CCDC169: variants seen among roughly 807,000 people sequenced by gnomAD.
CCDC169 encodes coiled-coil domain containing 169, also known as coiled-coil domain-containing protein 169.
In CCDC169, 30 loss-of-function variants were observed where a neutral mutation model predicts 36.0. The ratio of observed to expected loss-of-function variants is 0.83; its 90% CI spans 0.62 to 1.13. CCDC169 has a LOEUF of 1.13. CCDC169 is among the 50% of genes most tolerant of loss of function. CCDC169 has a pLI of 0.00. For missense variants in CCDC169, 245 were observed against 245.9 expected (o/e 1.00, Z 0.03); for synonymous variants, 85 against 81.5 (o/e 1.04, Z -0.23).
chr13:36,276,651 T>C (rs577937267), intron 4 of CCDC169, among the ~76,000 whole-genome samples: 1 of 151,944 alleles, frequency 6.6e-6, no homozygotes, highest in South Asian at 2.1e-4. Flanking sequence ...AGGGGGAGGG[T>C]ACTGATAGGA....
At chr13:36,238,335 T>C (rs1871329444) in intron 7 of CCDC169, among the ~76,000 whole-genome samples, 1 of 152,168 alleles carries the variant, frequency 6.6e-6, no homozygotes, top group African/African-American at 2.4e-5. Flanking sequence ...GGCACGAACA[T>C]AGCTCACGGC....
Position 36,295,776 on chromosome 13 carries a change from A to G in CCDC169, c.163+2T>C. The G allele has an allele frequency of 6.8e-7, 1 of 1,480,760 alleles. No homozygotes were observed. The highest frequency in any genetic ancestry group is 9.2e-7 in the Non-Finnish European group (1 of 1,086,288). The allele number at this position is 1,480,760 out of a possible 1,614,324, so 91.7% of individuals were successfully genotyped here. On this transcript the variant is annotated splice_donor_variant, in intron 2 of 7. Coordinates refer to ENST00000239859, the MANE Select transcript of CCDC169 (RefSeq NM_001144981.3). LOFTEE classifies it high-confidence loss of function. ...CACAAATATAAGTATTTACTTATAT[A>G]CCTTCATTGTCAGTATTGAGTTTGG...
chr13:36,223,694 T>C (rs556268003), downstream of CCDC169: 15 of 152,284 alleles, frequency 9.9e-5, 1 homozygote, highest in Admixed American at 9.8e-4. Flanking sequence ...TGTTACAGTT[T>C]GGTTATTCTG....
At chr13:36,280,710 C>T (rs929364099) in intron 4 of CCDC169, 2 of 152,292 alleles carry the variant, frequency 1.3e-5, no homozygotes, top group Middle Eastern at 3.4e-3. Context: ...GAACTGTCTA[C>T]AGTGGATATG....
chr13:36,273,313 T>C (rs1021735755), intron 4 of CCDC169, among the ~76,000 whole-genome samples: 2 of 152,224 alleles, frequency 1.3e-5, no homozygotes, highest in East Asian at 1.9e-4. Context: ...ACACCAATTA[T>C]ACCCACAGTT....
chr13:36,234,378 T>C (rs533628265), intron 7 of CCDC169, among the ~76,000 whole-genome samples: 1 of 152,106 alleles, frequency 6.6e-6, no homozygotes, highest in Non-Finnish European at 1.5e-5. Flanking sequence ...AACATATGTA[T>C]AATGAGTGTC....
At chr13:36,277,797 TG>T (rs1877012964) in intron 4 of CCDC169, among the ~76,000 whole-genome samples, 2 of 151,900 alleles carry the variant, frequency 1.3e-5, no homozygotes, top group Admixed American at 6.6e-5. Context: ...ATACAAAAAT[TG>T]GCTGAGCGTG....
At chr13:36,252,131 A>C (rs1873249597) in intron 6 of CCDC169, among the ~76,000 whole-genome samples, 1 of 152,152 alleles carries the variant, frequency 6.6e-6, no homozygotes, top group African/African-American at 2.4e-5. Context: ...TGTTTGTGCT[A>C]GACCTTGAAG....
intron 4 of CCDC169, among the ~76,000 whole-genome samples, chr13:36,257,744 T>C (rs1440386780): frequency 6.6e-6 from 1 of 151,614 alleles, no homozygotes; most frequent in Non-Finnish European, 1.5e-5. Flanking sequence ...CTTACTAGAT[T>C]GAGCTCCTTG....
chr13:36,274,261 C>T (rs1245006884), intron 4 of CCDC169: 2 of 152,166 alleles, frequency 1.3e-5, no homozygotes, highest in African/African-American at 4.8e-5. Flanking sequence ...GGACCATTAA[C>T]AAGAAGATAT....
chr13:36,271,743 T>C (rs1255287749), intron 4 of CCDC169, among the ~76,000 whole-genome samples: 1 of 151,954 alleles, frequency 6.6e-6, no homozygotes, highest in Non-Finnish European at 1.5e-5. Context: ...TAATGAACTT[T>C]AGAGATGCAG....
intron 7 of CCDC169, among the ~76,000 whole-genome samples, chr13:36,246,871 C>T (rs1872560272): frequency 2.6e-5 from 4 of 152,154 alleles, no homozygotes; most frequent in African/African-American, 9.7e-5. Context: ...GCCCCACAGT[C>T]CATGTGACTT....
At chr13:36,243,263 G>A (rs1039950473) in intron 7 of CCDC169, among the ~76,000 whole-genome samples, 6 of 152,188 alleles carry the variant, frequency 3.9e-5, no homozygotes, top group African/African-American at 9.6e-5. Context: ...ACTTTGGGAG[G>A]CCAAGGCGGG....
chr13:36,258,357 GC>G (rs1874182887), intron 4 of CCDC169, among the ~76,000 whole-genome samples: 2 of 152,034 alleles, frequency 1.3e-5, no homozygotes, highest in South Asian at 4.2e-4. Flanking sequence ...GTAAAATAAG[GC>G]TGAGACCCAC....
chr13:36,294,059 T>A (rs902438516), intron 2 of CCDC169, among the ~76,000 whole-genome samples: 3 of 152,118 alleles, frequency 2.0e-5, no homozygotes, highest in African/African-American at 7.2e-5. Context: ...TTCTTCCATA[T>A]ATGGGGATAA....
chr13:36,297,808 A>T lies in CCDC169; in HGVS notation c.-89T>A, dbSNP rs970124657. 5.4e-6 allele frequency: 7 copies of T among 1,299,440 alleles called. No individual in the cohort carries two copies. The highest frequency in any genetic ancestry group is 7.5e-6 in the Non-Finnish European group (7 of 929,214). The allele number at this position is 1,299,440 out of a possible 1,614,324, so 80.5% of individuals were successfully genotyped here. ...GCCACCCAGAAGCCAGTACGGCACG[A>T]GGCGGTGAACCCCAACCGCCCCCCG... On this transcript the variant is annotated 5_prime_UTR_variant, in exon 1 of 8. Coordinates refer to ENST00000239859, the MANE Select transcript of CCDC169 (RefSeq NM_001144981.3).
At chr13:36,254,166 T>A (rs760241883) in intron 4 of CCDC169, 23 bp from the exon 5 acceptor site, 2 of 1,450,146 alleles carry the variant, frequency 1.4e-6, no homozygotes, top group Non-Finnish European at 1.8e-6. Flanking sequence ...ATAGTAAAAT[T>A]TTATATGTAC....
intron 7 of CCDC169, among the ~76,000 whole-genome samples, chr13:36,241,882 T>C (rs555894775): frequency 2.0e-5 from 3 of 152,234 alleles, no homozygotes; most frequent in South Asian, 4.1e-4. Context: ...AGTGACCCAG[T>C]GGGAGATAAT....
At chr13:36,247,082 A>G (rs780208122) in intron 7 of CCDC169, among the ~76,000 whole-genome samples, 5 of 152,170 alleles carry the variant, frequency 3.3e-5, no homozygotes, top group Non-Finnish European at 7.3e-5. Flanking sequence ...CTCTTCCTGT[A>G]CTCTATACAT....
Sources: allele counts gnomAD v4.1 joint callset (sites outside exome capture counted in the v4.1 genomes callset), GRCh38; gene constraint gnomAD v4.1.1; transcripts MANE v1.5; gene names NCBI Gene and HGNC (gene_info 2026-07-23, HGNC 2026-07-21).